CACNA1H: variants seen among roughly 807,000 people sequenced by gnomAD.
CACNA1H encodes the protein calcium voltage-gated channel subunit alpha1 H.
A neutral mutation model predicts 192.5 loss-of-function variants in CACNA1H; 149 were observed. The observed-to-expected ratio is 0.77, with a 90% CI of 0.68 to 0.89. The LOEUF (loss-of-function observed/expected upper bound fraction) is 0.89, where lower values mean the gene tolerates loss of function less well. Among genes scored for constraint, CACNA1H ranks in the 40% least tolerant of loss-of-function variants. The pLI is 0.00. For missense variants in CACNA1H, 4,257 were observed against 3,423.5 expected, an observed-to-expected ratio of 1.24 and a Z score of -6.08; for synonymous variants, 2,202 against 1,475.2, an observed-to-expected ratio of 1.49 and a Z score of -11.29.
rs568941798 is a variant in CACNA1H at position 1,167,490 on chromosome 16, G to C, written c.299+13454G>C. Among the ~76,000 whole-genome samples, 10 of 152,130 alleles carry C rather than the reference G, an allele frequency of 6.6e-5. No homozygotes were observed. Among genetic ancestry groups the C allele is most frequent in the African/African-American group, 1.2e-4 (5 of 41,432 alleles). ...AAAAAATTATTAATGAGCTTGGTGCGGTTGCCATGGGAACCTGTTGCTAAT... is the reference window on the plus strand; with the variant it reads ...AAAAAATTATTAATGAGCTTGGTGCCGTTGCCATGGGAACCTGTTGCTAAT... On this transcript the variant is annotated intron_variant, in intron 2 of 34. Transcript: ENST00000348261. The surrounding 1 kb of genome is among the most constrained non-coding windows in gnomAD (Gnocchi z 4.2).
intron 4 of CACNA1H, 74 bp downstream of exon 4, chr16:1,195,639 ACCTGT>A: frequency 6.8e-7 from 1 of 1,476,752 alleles, no homozygotes; most frequent in Admixed American, 2.1e-5. Flanking sequence ...CCTGTGTCCC[ACCTGT>A]AAAGAAAAAT....
chr16:1,189,383 C>CCCTGAAGAGTG (rs1966377027), intron 2 of CACNA1H, among the ~76,000 whole-genome samples: 1 of 137,536 alleles, frequency 7.3e-6, no homozygotes, highest in African/African-American at 2.7e-5. Flanking sequence ...CTGGCAGGTG[C>CCCTGAAGAGTG]CCTGAAGAGT....
At chr16:1,209,545 C>T (rs1168445367) in intron 17 of CACNA1H, 133 bp downstream of exon 17, 10 of 1,127,160 alleles carry the variant, frequency 8.9e-6, no homozygotes, top group East Asian at 7.6e-5. Context: ...AGAAGCAGGC[C>T]AGGCCAGGGA....
chr16:1,202,796 T>A (rs1156526531), intron 9 of CACNA1H, among the ~76,000 whole-genome samples: 1 of 152,104 alleles, frequency 6.6e-6, no homozygotes, highest in South Asian at 2.1e-4. Context: ...GTCCACAGCC[T>A]GGACGCTTCC....
At chr16:1,217,495 G>C (rs541078800) in intron 31 of CACNA1H, among the ~76,000 whole-genome samples, 1 of 152,138 alleles carries the variant, frequency 6.6e-6, no homozygotes, top group African/African-American at 2.4e-5. Flanking sequence ...TGCCCCTGCC[G>C]GGTTCCACTT....
chr16:1,205,200 C>T lies in CACNA1H; in HGVS notation c.2538C>T (p.Ala846=), dbSNP rs748509684. 9.3e-6 allele frequency: 15 copies of T among 1,613,046 alleles called. No individual in the cohort carries two copies. Among genetic ancestry groups the T allele is most frequent in the Non-Finnish European group, 1.2e-5 (14 of 1,179,772 alleles). The change falls in exon 11 of 35, where the codon GCC becomes GCT. Residue 846 remains alanine, a synonymous_variant. Transcript: ENST00000348261. ...TGGAGATGCTGCTGAAGCTGCTGGC[C>T]TGCGGCCCTCTGGGCTACATCCGGA... The part of the protein sequence containing the change: ...FALEMLLKLL[A]CGPLGYIRNP...
At chr16:1,210,342 C>CCCCACG in intron 18 of CACNA1H, 28 bp from the exon 19 acceptor site, 1 of 999,084 alleles carries the variant, frequency 1.0e-6, no homozygotes, top group Non-Finnish European at 1.5e-6. Flanking sequence ...CGCCCCGCCC[C>CCCCACG]ACCTCTCACC....
intron 5 of CACNA1H, among the ~76,000 whole-genome samples, chr16:1,196,885 G>A (rs944989783): frequency 2.6e-5 from 4 of 152,120 alleles, no homozygotes; most frequent in Non-Finnish European, 5.9e-5. Context: ...GGTCGGCGCG[G>A]CCCCCACGAG....
chr16:1,189,555 C>G (rs1207378315), intron 2 of CACNA1H, among the ~76,000 whole-genome samples: 1 of 151,370 alleles, frequency 6.6e-6, no homozygotes, highest in Non-Finnish European at 1.5e-5. Flanking sequence ...GTAGCTGCCA[C>G]CGCACCCCAA....
Position 1,209,074 on chromosome 16 carries a change from G to A in CACNA1H, c.3406G>A (p.Gly1136Ser). The A allele has an allele frequency of 6.5e-7, 1 of 1,543,184 alleles. No individual in the cohort carries two copies. Among genetic ancestry groups the A allele is most frequent in the Non-Finnish European group, 8.7e-7 (1 of 1,149,610 alleles). ...SSPCAPWGPSGAWSSRRSSWS... is the reference protein window; with the variant it reads ...SSPCAPWGPSSAWSSRRSSWS... The stretch of plus-strand genomic sequence containing the variant: ...TCCCTGTGCCCCCTGGGGCCCCAGT[G>A]GCGCCTGGAGCAGCCGGCGCTCCAG... The change falls in exon 17 of 35, where the codon GGC (glycine) becomes AGC (serine). Residue 1136 changes from glycine to serine, a missense_variant. Gly to Ser is a moderately conservative substitution (Grantham distance 56). Coordinates refer to ENST00000348261, the MANE Select transcript of CACNA1H (RefSeq NM_021098.3).
chr16:1,208,741 C>T (rs927173456), intron 16 of CACNA1H, among the ~76,000 whole-genome samples: 1 of 152,126 alleles, frequency 6.6e-6, no homozygotes, highest in Non-Finnish European at 1.5e-5. Context: ...GCCCAGTGTG[C>T]TCCTGGGGAC....
chr16:1,169,064 C>T (rs928082701), intron 2 of CACNA1H, among the ~76,000 whole-genome samples: 3 of 151,090 alleles, frequency 2.0e-5, no homozygotes, highest in Non-Finnish European at 2.9e-5. Flanking sequence ...GCCTTGGCAA[C>T]AGGAGATGGA....
At chr16:1,162,639 T>TA (rs796638214) in intron 2 of CACNA1H, among the ~76,000 whole-genome samples, 1 of 93,154 alleles carries the variant, frequency 1.1e-5, no homozygotes, top group Admixed American at 9.3e-5. Context: ...ACACCTGGAG[T>TA]GGGGGGGGGG....
intron 5 of CACNA1H, among the ~76,000 whole-genome samples, chr16:1,197,868 C>T (rs1330316924): frequency 6.6e-6 from 1 of 152,134 alleles, no homozygotes; most frequent in African/African-American, 2.4e-5. Flanking sequence ...GGGAGCAGGC[C>T]CAGGATGGAG....
intron 2 of CACNA1H, among the ~76,000 whole-genome samples, chr16:1,162,159 A>T (rs773146527): frequency 1.2e-4 from 19 of 152,120 alleles, no homozygotes; most frequent in African/African-American, 4.6e-4. Context: ...GATGCAGGAC[A>T]TGGGATCCTG....
chr16:1,194,746 C>T (rs868627163), intron 2 of CACNA1H, among the ~76,000 whole-genome samples: 11 of 152,150 alleles, frequency 7.2e-5, no homozygotes, highest in South Asian at 4.1e-4. Context: ...GGGGCCGGGC[C>T]TGGGACCCTC....
rs902663333 is a variant in CACNA1H, at chr16:1,220,700, C to T, written c.6768C>T (p.Cys2256=). 1.9e-5 allele frequency: 31 copies of T among 1,611,348 alleles called. No individual in the cohort carries two copies. Among genetic ancestry groups the T allele is most frequent in the Non-Finnish European group, 2.6e-5 (31 of 1,179,404 alleles). ...AKGERWGQAS[C]RAEHLTVPSF... ...GGGAGCGCTGGGGCCAGGCCTCCTG[C>T]CGGGCTGAGCACCTGACCGTCCCCA... Residue 2256 remains cysteine, a synonymous_variant, in exon 35 of 35, where the codon TGC becomes TGT. Coordinates refer to ENST00000348261, the MANE Select transcript of CACNA1H (RefSeq NM_021098.3).
At position 1,201,905 on chromosome 16, in the gene CACNA1H, C is replaced by G. The variant is rs758571433; in HGVS notation, c.1455C>G (p.Arg485=). The G allele has an allele frequency of 7.7e-6, 12 of 1,550,390 alleles. No individual in the cohort carries two copies. The South Asian group carries it at 1.3e-4, about 17-fold the overall frequency. The change falls in exon 9 of 35, where the codon CGC becomes CGG. Residue 485 remains arginine, a synonymous_variant. Transcript: ENST00000348261. ...SLRLYARWQS[R]WRKKVDPSAV... ...GCCTCTACGCCCGCTGGCAGAGCCG[C>G]TGGCGCAAGAAGGTGGACCCCAGTG...
At chr16:1,194,250 G>A (rs1045220781) in intron 2 of CACNA1H, among the ~76,000 whole-genome samples, 9 of 152,182 alleles carry the variant, frequency 5.9e-5, no homozygotes, top group African/African-American at 1.9e-4. Flanking sequence ...TGTTGGTGAC[G>A]GCAGGGACTG....
Sources: gnomAD v4.1 joint callset for allele counts (sites outside exome capture counted in the v4.1 genomes callset) on GRCh38, gnomAD v4.1.1 for gene constraint, Gnocchi (gnomAD v3.1) non-coding constraint, MANE v1.5 for transcripts, NCBI Gene and HGNC (gene_info 2026-07-23, HGNC 2026-07-21) for gene names.